Variants in GPC6 observed in about 807,000 individuals in gnomAD.
The protein encoded by GPC6 is glypican-6.
In GPC6, 14 loss-of-function variants were observed where a neutral mutation model predicts 55.2. The observed-to-expected ratio is 0.25, with a 90% CI of 0.17 to 0.40. The LOEUF (loss-of-function observed/expected upper bound fraction) is 0.40. Ranked by LOEUF, GPC6 falls within the 10% of genes least tolerant of loss-of-function variation. The pLI, the probability that GPC6 is intolerant of heterozygous loss-of-function variation, is 1.00. For missense variants in GPC6, 641 were observed against 708.5 expected, an observed-to-expected ratio of 0.90 and a Z score of 1.08; for synonymous variants, 278 against 259.6, an observed-to-expected ratio of 1.07 and a Z score of -0.68.
intron 3 of GPC6, among the ~76,000 whole-genome samples, chr13:93,965,102 GT>G (rs199810123): frequency 7.1e-5 from 8 of 113,336 alleles, no homozygotes; most frequent in Admixed American, 5.0e-4. Flanking sequence ...AACACTATGA[GT>G]TTGTTTTTTT....
At chr13:94,259,432 C>G (rs1170701153) in intron 4 of GPC6, among the ~76,000 whole-genome samples, 1 of 152,208 alleles carries the variant, frequency 6.6e-6, no homozygotes, top group African/African-American at 2.4e-5. Context: ...AGTTAGACAA[C>G]TCTAGGCTGG....
intron 2 of GPC6, among the ~76,000 whole-genome samples, chr13:93,602,002 T>C (rs1156321940): frequency 1.3e-5 from 2 of 152,226 alleles, no homozygotes; most frequent in Admixed American, 1.3e-4. Flanking sequence ...CCTGAGATTG[T>C]AAGGTTTGGG....
chr13:94,195,173 G>T (rs1205492264), intron 4 of GPC6, among the ~76,000 whole-genome samples: 3 of 152,172 alleles, frequency 2.0e-5, no homozygotes, highest in Non-Finnish European at 4.4e-5. Flanking sequence ...CACCTGATCT[G>T]CAGATGTCAA....
At chr13:93,293,013 G>T (rs1265443878) in intron 1 of GPC6, among the ~76,000 whole-genome samples, 1 of 151,928 alleles carries the variant, frequency 6.6e-6, no homozygotes, top group Admixed American at 6.6e-5. Flanking sequence ...TTTGAGACAG[G>T]TTCTCATTCT....
At chr13:93,858,215 T>C (rs1487802997) in intron 3 of GPC6, among the ~76,000 whole-genome samples, 2 of 151,632 alleles carry the variant, frequency 1.3e-5, no homozygotes, top group Non-Finnish European at 3.0e-5. Flanking sequence ...TAAATCTTTT[T>C]TGAGGTGGTC....
At chr13:93,574,793 C>G (rs1876579597) in intron 2 of GPC6, among the ~76,000 whole-genome samples, 1 of 152,026 alleles carries the variant, frequency 6.6e-6, no homozygotes, top group Non-Finnish European at 1.5e-5. Flanking sequence ...TTTGCTTTTT[C>G]TGAATATTTC....
chr13:93,368,281 T>TTCCCTCCC (rs1208185732), intron 1 of GPC6, among the ~76,000 whole-genome samples: 1 of 126,968 alleles, frequency 7.9e-6, no homozygotes, highest in Admixed American at 7.9e-5. Flanking sequence ...CCCTCCCTCC[T>TTCCCTCCC]TCCCTCCCTC....
intron 2 of GPC6, among the ~76,000 whole-genome samples, chr13:93,786,865 G>GTGA (rs1332826814): frequency 1.3e-5 from 2 of 152,144 alleles, no homozygotes; most frequent in African/African-American, 4.8e-5. Flanking sequence ...TTAGAAAAAT[G>GTGA]TGATATTATT....
intron 1 of GPC6, among the ~76,000 whole-genome samples, chr13:93,322,046 T>G: frequency 6.6e-6 from 1 of 152,196 alleles, no homozygotes; most frequent in Admixed American, 6.5e-5. Context: ...TAAATTAATT[T>G]ATACAATTGT....
intron 4 of GPC6, among the ~76,000 whole-genome samples, chr13:94,244,708 A>G (rs935068071): frequency 2.0e-5 from 3 of 152,128 alleles, no homozygotes; most frequent in African/African-American, 7.2e-5. Flanking sequence ...GAAGTCATTG[A>G]CAGTTTTAAG....
At chr13:94,085,128 C>T (rs866549908) in intron 4 of GPC6, among the ~76,000 whole-genome samples, 12 of 151,814 alleles carry the variant, frequency 7.9e-5, no homozygotes, top group African/African-American at 1.9e-4. Context: ...TCGAGACCAG[C>T]CTGGCCAACG....
chr13:94,402,867 C>T, intron 8 of GPC6, 148 bp from the exon 9 acceptor site: 2 of 760,018 alleles, frequency 2.6e-6, no homozygotes, highest in South Asian at 2.9e-5. Context: ...ATGGGGGAAA[C>T]CACCACCATG....
chr13:93,777,336 A>T (rs1464521288), intron 2 of GPC6, among the ~76,000 whole-genome samples: 1 of 152,170 alleles, frequency 6.6e-6, no homozygotes, highest in Non-Finnish European at 1.5e-5. Context: ...TACTAGCAAC[A>T]TTAACTAAAC....
At chr13:93,426,572 A>C (rs1268947977) in intron 1 of GPC6, among the ~76,000 whole-genome samples, 2 of 151,836 alleles carry the variant, frequency 1.3e-5, no homozygotes, top group Non-Finnish European at 2.9e-5. Flanking sequence ...TGAACTCATC[A>C]TTTTTTATGG....
In GPC6 at chr13:93,298,268, A is replaced by T. The variant is rs944714054; in HGVS notation, c.160+70652A>T. The stretch of plus-strand genomic sequence containing the variant: ...TTGCATGTACCCAGATTTATTATAA[A>T]TATTTTGTGATAAACTCTAATCAGA... On this transcript the variant is annotated intron_variant, in intron 1 of 8. Coordinates refer to ENST00000377047, the MANE Select transcript of GPC6 (RefSeq NM_005708.5). 3.3e-5 allele frequency among the ~76,000 whole-genome samples: 5 copies of T among 152,318 alleles called. No homozygotes were observed. The South Asian group carries it at 1.0e-3, about 32-fold the overall frequency.
chr13:94,316,223 G>C, intron 6 of GPC6, among the ~76,000 whole-genome samples: 1 of 152,048 alleles, frequency 6.6e-6, no homozygotes, highest in East Asian at 1.9e-4. Flanking sequence ...ATTAGAGAGG[G>C]GGTATCTACA....
rs949393697 is a variant in GPC6, at chr13:94,286,356, G to C, written c.885G>C (p.Met295Ile). The C allele has an allele frequency of 4.3e-6, 7 of 1,613,678 alleles. No individual in the cohort carries two copies. Among genetic ancestry groups the C allele is most frequent in the Non-Finnish European group, 5.9e-6 (7 of 1,179,804 alleles). The change falls in exon 5 of 9, where the codon ATG (methionine) becomes ATC (isoleucine). Residue 295 changes from methionine (M) to isoleucine (I), a missense_variant. Physicochemically the swap from Met to Ile is conservative, Grantham distance 10. Coordinates refer to ENST00000377047, the MANE Select transcript of GPC6 (RefSeq NM_005708.5). ...DTEWNLFIDA[M>I]LLVAERLEGP... is the part of the protein sequence containing the mutation. The stretch of plus-strand genomic sequence containing the variant: ...GTTCCTGTATTTTAACAGATGCAAT[G>C]CTCTTGGTGGCAGAGCGACTGGAGG...
intron 2 of GPC6, among the ~76,000 whole-genome samples, chr13:93,824,176 T>C (rs1887153672): frequency 6.6e-6 from 1 of 152,234 alleles, no homozygotes; most frequent in African/African-American, 2.4e-5. Context: ...GAAATAGTTC[T>C]TTTCCTTTTT....
At chr13:93,839,551 G>T (rs1433448761) in intron 3 of GPC6, among the ~76,000 whole-genome samples, 5 of 152,134 alleles carry the variant, frequency 3.3e-5, no homozygotes, top group Non-Finnish European at 7.4e-5. Flanking sequence ...AATGTAAACT[G>T]TGGCTTATCA....
Sources: gnomAD v4.1 joint callset for allele counts (sites outside exome capture counted in the v4.1 genomes callset) on GRCh38, gnomAD v4.1.1 for gene constraint, MANE v1.5 for transcripts, NCBI Gene and HGNC (gene_info 2026-07-23, HGNC 2026-07-21) for gene names.